Variants in ABCC1 observed in about 807,000 individuals in gnomAD.
ABCC1 encodes the protein ATP binding cassette subfamily C member 1 (ABCC1 blood group).
Under a neutral mutation model 172.9 loss-of-function variants are expected in ABCC1, and 83 were observed. That is an observed-to-expected ratio of 0.48 (90% confidence interval 0.40 to 0.58). The LOEUF is 0.58. Among genes scored for constraint, ABCC1 ranks in the 20% least tolerant of loss-of-function variants. ABCC1 has a pLI of 0.00. For missense variants in ABCC1, 1,817 were observed against 2,002.7 expected (o/e 0.91, Z 1.77); for synonymous variants, 937 against 825.2 (o/e 1.14, Z -2.32).
intron 12 of ABCC1, among the ~76,000 whole-genome samples, chr16:16,061,734 C>T (rs115554206): frequency 2.4e-3 from 358 of 150,092 alleles, no homozygotes; most frequent in African/African-American, 8.5e-3. Context: ...AAGAGTCATA[C>T]ATAAATACAT....
intron 7 of ABCC1, 86 bp downstream of exon 7, chr16:16,036,689 A>G: frequency 2.8e-6 from 4 of 1,417,650 alleles, no homozygotes; most frequent in Non-Finnish European, 3.9e-6. Context: ...GGGCCCTGGC[A>G]GTGCTGCCTG....
At chr16:16,068,578 C>G (rs2050203973) in intron 13 of ABCC1, among the ~76,000 whole-genome samples, 1 of 152,208 alleles carries the variant, frequency 6.6e-6, no homozygotes, top group Non-Finnish European at 1.5e-5. Flanking sequence ...ATACTCTGTT[C>G]TCTTCAGCCT....
chr16:16,111,246 G>T (rs2052374151), intron 21 of ABCC1, 129 bp from the exon 22 acceptor site: 4 of 733,116 alleles, frequency 5.5e-6, no homozygotes, highest in East Asian at 2.5e-5. Flanking sequence ...AAGGGGAGGG[G>T]TGTTCTACGT....
In ABCC1 at chr16:16,136,563, A is replaced by C; in HGVS notation, c.4211A>C (p.Glu1404Ala). Residue 1404 changes from glutamate (E) to alanine (A), a missense_variant, in exon 29 of 31, where the codon GAG becomes GCG. By Grantham distance (107) the Glu-to-Ala change is moderately radical. Coordinates refer to ENST00000399410, the MANE Select transcript of ABCC1 (RefSeq NM_004996.4). ...YSDEEVWTSL[E>A]LAHLKDFVSA... ...GATGAAGAAGTCTGGACGTCCCTGG[A>C]GCTGGCCCACCTGAAGGACTTCGTG... The C allele has an allele frequency of 6.2e-7, 1 of 1,614,176 alleles. No homozygotes were observed. Among genetic ancestry groups the C allele is most frequent in the Non-Finnish European group, 8.5e-7 (1 of 1,180,028 alleles).
chr16:15,983,883 C>T (rs112577057), intron 1 of ABCC1, among the ~76,000 whole-genome samples: 3,383 of 152,100 alleles, frequency 0.022, 140 homozygotes, highest in African/African-American at 0.077. Flanking sequence ...GACTAAATTC[C>T]CTTAGAGATG....
At chr16:16,047,925 T>A (rs1320491072) in intron 9 of ABCC1, among the ~76,000 whole-genome samples, 3 of 150,170 alleles carry the variant, frequency 2.0e-5, no homozygotes, top group African/African-American at 7.4e-5. Flanking sequence ...TGCCAACTGA[T>A]GAGTTCAAGG....
At chr16:16,067,880 C>T (rs2050171753) in intron 12 of ABCC1, among the ~76,000 whole-genome samples, 1 of 152,154 alleles carries the variant, frequency 6.6e-6, no homozygotes, top group Admixed American at 6.5e-5. Flanking sequence ...TTGAGGAATA[C>T]TAAGAATGCC....
intron 1 of ABCC1, among the ~76,000 whole-genome samples, chr16:15,998,704 T>G (rs1394426589): frequency 6.6e-6 from 1 of 152,224 alleles, no homozygotes; most frequent in Non-Finnish European, 1.5e-5. Flanking sequence ...CACCTTCCTT[T>G]GCTCAGCGTT....
At chr16:15,950,045 AGGGTC>A (rs367890331) in intron 1 of ABCC1, among the ~76,000 whole-genome samples, 1 of 150,620 alleles carries the variant, frequency 6.6e-6, no homozygotes. Flanking sequence ...GGGGTTTTGG[AGGGTC>A]GGGTCGGGTC....
chr16:16,040,512 C>G (rs1213153833), intron 7 of ABCC1, among the ~76,000 whole-genome samples: 1 of 152,024 alleles, frequency 6.6e-6, no homozygotes. Context: ...GTGTCAAACT[C>G]CTGACATCAG....
chr16:16,002,576 C>T (rs2047352663), intron 1 of ABCC1, among the ~76,000 whole-genome samples: 1 of 152,056 alleles, frequency 6.6e-6, no homozygotes, highest in Non-Finnish European at 1.5e-5. Context: ...ACTTTGAGAC[C>T]AGCCTGAGCA....
At chr16:16,121,868 C>A in intron 23 of ABCC1, 107 bp from the exon 24 acceptor site, 2 of 1,233,296 alleles carry the variant, frequency 1.6e-6, no homozygotes, top group Non-Finnish European at 2.3e-6. Flanking sequence ...AACATTTTGC[C>A]TCCTGGAGGT....
chr16:15,950,316 C>T (rs1191235693), intron 1 of ABCC1, among the ~76,000 whole-genome samples: 2 of 152,042 alleles, frequency 1.3e-5, no homozygotes, highest in Admixed American at 6.6e-5. Flanking sequence ...CCACATTACT[C>T]TTCTGTGGTT....
intron 21 of ABCC1, among the ~76,000 whole-genome samples, chr16:16,110,677 C>G (rs2052346916): frequency 6.6e-6 from 1 of 152,230 alleles, no homozygotes; most frequent in Non-Finnish European, 1.5e-5. Context: ...GCATGAGCCA[C>G]TGCACCCAGC....
At position 16,141,536 on chromosome 16, in the gene ABCC1, C is replaced by T. The variant is rs552703303; in HGVS notation, c.*255C>T. 3 of 488,712 alleles carry T rather than the reference C, an allele frequency of 6.1e-6. No homozygotes were observed. Among genetic ancestry groups the T allele is most frequent in the African/African-American group, 3.9e-5 (2 of 51,366 alleles). 30.3% of individuals were successfully genotyped at this position (488,712 alleles called of 1,614,324 possible). On this transcript the variant is annotated 3_prime_UTR_variant, in exon 31 of 31. Coordinates refer to ENST00000399410, the MANE Select transcript of ABCC1 (RefSeq NM_004996.4). ...ACACCCTGCCCCTGGTGCCCTGAGACAGACACACAGCCTCACGCCCCCAGG... is the reference window on the plus strand; with the variant it reads ...ACACCCTGCCCCTGGTGCCCTGAGATAGACACACAGCCTCACGCCCCCAGG...
intron 19 of ABCC1, among the ~76,000 whole-genome samples, chr16:16,097,143 C>T (rs966303166): frequency 6.6e-6 from 1 of 152,208 alleles, no homozygotes; most frequent in East Asian, 1.9e-4. Flanking sequence ...TTGGGAGTCT[C>T]ACGCTGTTGC....
In ABCC1 at chr16:16,016,661, TGA is replaced by T. The variant is rs764446868; in HGVS notation, c.615+47_615+48del. 2.5e-6 allele frequency: 4 copies of T among 1,610,494 alleles called. No homozygotes were observed. In the South Asian group the frequency reaches 3.3e-5, roughly 13 times the overall value. The stretch of plus-strand genomic sequence containing the variant: ...AGATGAGTGTGTGTGCGTGTGTGTG[TGA>T]GAGAGATGCGTGACACAGTACCAGC... On this transcript the variant is annotated intron_variant, in intron 5 of 30. Transcript: ENST00000399410.
chr16:15,983,413 A>G (rs529177380), intron 1 of ABCC1, among the ~76,000 whole-genome samples: 1 of 152,248 alleles, frequency 6.6e-6, no homozygotes, highest in South Asian at 2.1e-4. Flanking sequence ...TGTGTTTTGA[A>G]GATATCCCCT....
At chr16:16,066,950 G>A (rs543143678) in intron 12 of ABCC1, among the ~76,000 whole-genome samples, 2 of 151,710 alleles carry the variant, frequency 1.3e-5, no homozygotes, top group South Asian at 2.1e-4. Context: ...TTGCGTTACC[G>A]CTTAGAAGAT....
Sources: gnomAD v4.1 joint callset for allele counts (sites outside exome capture counted in the v4.1 genomes callset) on GRCh38, gnomAD v4.1.1 for gene constraint, MANE v1.5 for transcripts, NCBI Gene and HGNC (gene_info 2026-07-23, HGNC 2026-07-21) for gene names.